The following GPHN variants were observed in gnomAD, a reference collection of about 807,000 sequenced individuals.
GPHN encodes the protein gephyrin.
A neutral mutation model predicts 95.5 loss-of-function variants in GPHN; 17 were observed. That is an observed-to-expected ratio of 0.18 (90% CI 0.12 to 0.27). The LOEUF is 0.27. GPHN is among the 10% of genes least tolerant of loss of function. GPHN has a pLI of 1.00. For synonymous variants in GPHN, 320 were observed against 322.5 expected (o/e 0.99, Z 0.08); for missense variants, 660 against 978.1 (o/e 0.67, Z 4.34).
the GPHN span, among the ~76,000 whole-genome samples, chr14:67,718,476 T>G: frequency 6.6e-6 from 1 of 152,346 alleles, no homozygotes; most frequent in Non-Finnish European, 1.5e-5. Flanking sequence ...GCTTCCCAGC[T>G]CTGCTTCATA....
At chr14:67,209,853 T>G in the GPHN span, among the ~76,000 whole-genome samples, 1 of 147,104 alleles carries the variant, frequency 6.8e-6, no homozygotes, top group Non-Finnish European at 1.5e-5. Context: ...CGAAAAAGTA[T>G]AATAGATTAC....
At chr14:67,131,986 C>T (rs1213686132) in intron 17 of GPHN, among the ~76,000 whole-genome samples, 1 of 152,126 alleles carries the variant, frequency 6.6e-6, no homozygotes, top group Non-Finnish European at 1.5e-5. Flanking sequence ...AGATTTCCCC[C>T]TTCTGGAAAA....
chr14:67,145,284 A>C (rs1424728677), intron 18 of GPHN, among the ~76,000 whole-genome samples: 2 of 152,174 alleles, frequency 1.3e-5, no homozygotes, highest in Non-Finnish European at 2.9e-5. Context: ...TACTCTGGAG[A>C]GGTAACAAAC....
intron 4 of GPHN, among the ~76,000 whole-genome samples, chr14:66,855,787 T>C (rs1352604432): frequency 1.3e-5 from 2 of 152,086 alleles, no homozygotes; most frequent in African/African-American, 4.8e-5. Context: ...TTTGAGTTCA[T>C]TTTTGTATGT....
At chr14:67,218,890 G>T in the GPHN span, among the ~76,000 whole-genome samples, 4 of 151,986 alleles carry the variant, frequency 2.6e-5, no homozygotes, top group Admixed American at 1.3e-4. Flanking sequence ...AGTGAGGGTT[G>T]GTTTCCCTGC....
chr14:67,032,157 C>T (rs1464013112), intron 10 of GPHN, among the ~76,000 whole-genome samples: 3 of 152,204 alleles, frequency 2.0e-5, no homozygotes, highest in Non-Finnish European at 4.4e-5. Context: ...AAAGAGAAAA[C>T]ACCCTACTCA....
At chr14:67,397,301 G>A in the GPHN span, among the ~76,000 whole-genome samples, 4 of 152,110 alleles carry the variant, frequency 2.6e-5, no homozygotes, top group African/African-American at 9.7e-5. Context: ...CCCCTCAGGG[G>A]ATGAAAGCCA....
intron 8 of GPHN, among the ~76,000 whole-genome samples, chr14:66,945,633 AAAAT>A (rs1210910764): frequency 2.0e-5 from 3 of 152,192 alleles, no homozygotes; most frequent in Non-Finnish European, 2.9e-5. Context: ...ATTGAAATTA[AAAAT>A]AAATAAATAA....
At chr14:67,380,187 C>A in the GPHN span, among the ~76,000 whole-genome samples, 114 of 152,304 alleles carry the variant, frequency 7.5e-4, no homozygotes, top group African/African-American at 2.6e-3. Flanking sequence ...AGACCCTGGT[C>A]CCTGTCCTGT....
intron 5 of GPHN, among the ~76,000 whole-genome samples, chr14:66,884,237 A>T (rs2064074310): frequency 6.6e-6 from 1 of 152,022 alleles, no homozygotes; most frequent in African/African-American, 2.4e-5. Flanking sequence ...GCAGCTCCAC[A>T]ATTAGGCCTA....
At chr14:67,072,590 AT>A (rs2076352475) in intron 11 of GPHN, among the ~76,000 whole-genome samples, 1 of 152,158 alleles carries the variant, frequency 6.6e-6, no homozygotes, top group Non-Finnish European at 1.5e-5. Flanking sequence ...TAAGAAGAAA[AT>A]CAGAGACACA....
chr14:67,650,909 G>T, the GPHN span: 80 of 1,614,046 alleles, frequency 5.0e-5, 1 homozygote, highest in African/African-American at 9.6e-4. Context: ...TCAAGCACGT[G>T]TGAGAATTTA....
At chr14:67,155,722 A>G (rs1595414094) in intron 18 of GPHN, among the ~76,000 whole-genome samples, 1 of 152,192 alleles carries the variant, frequency 6.6e-6, no homozygotes, top group Non-Finnish European at 1.5e-5. Context: ...TATTTAAAAT[A>G]TTGGCGGATA....
At chr14:67,165,300 A>G in intron 20 of GPHN, 74 bp downstream of exon 20, 1 of 905,736 alleles carries the variant, frequency 1.1e-6, no homozygotes, top group Non-Finnish European at 1.8e-6. Flanking sequence ...TCATGTGACC[A>G]CCTGGTTTGA....
chr14:66,776,753 T>C (rs778017335), intron 3 of GPHN, among the ~76,000 whole-genome samples: 21 of 152,168 alleles, frequency 1.4e-4, no homozygotes, highest in Non-Finnish European at 3.1e-4. Flanking sequence ...AGGAACCCTT[T>C]CCTGTGTAGT....
At chr14:67,700,911 G>T in the GPHN span, among the ~76,000 whole-genome samples, 1 of 148,934 alleles carries the variant, frequency 6.7e-6, no homozygotes, top group Non-Finnish European at 1.5e-5. Flanking sequence ...TCTAATCCCA[G>T]CTACTCGGAG....
the GPHN span, among the ~76,000 whole-genome samples, chr14:67,206,536 A>G: frequency 1.3e-5 from 2 of 152,186 alleles, no homozygotes; most frequent in African/African-American, 4.8e-5. Context: ...ATTTTTAATT[A>G]GGAAAAATTC....
chr14:67,390,387 G>A, the GPHN span, among the ~76,000 whole-genome samples: 2 of 152,120 alleles, frequency 1.3e-5, no homozygotes, highest in Non-Finnish European at 2.9e-5. Context: ...AGGCTTTGGG[G>A]AAGACCAAAA....
chr14:66,509,557 G>A (rs1484568866), intron 1 of GPHN, among the ~76,000 whole-genome samples: 5 of 152,212 alleles, frequency 3.3e-5, no homozygotes, highest in Non-Finnish European at 4.4e-5. Context: ...TGAACAGCAA[G>A]CGGATTTGTA....
Sources: gnomAD v4.1 joint callset for allele counts (sites outside exome capture counted in the v4.1 genomes callset) on GRCh38, gnomAD v4.1.1 for gene constraint, MANE v1.5 for transcripts, NCBI Gene and HGNC (gene_info 2026-07-23, HGNC 2026-07-21) for gene names.